POFUT3: variants seen among roughly 807,000 people sequenced by gnomAD.
POFUT3 encodes the protein GDP-fucose protein O-fucosyltransferase 3.
chr8:33,322,701 C>T, the POFUT3 span, among the ~76,000 whole-genome samples: 1 of 152,088 alleles, frequency 6.6e-6, no homozygotes, highest in African/African-American at 2.4e-5. Flanking sequence ...TCAAGGAGCT[C>T]AGAGCTGAGC....
chr8:33,326,110 A>G, the POFUT3 span, among the ~76,000 whole-genome samples: 1 of 152,144 alleles, frequency 6.6e-6, no homozygotes, highest in Non-Finnish European at 1.5e-5. Flanking sequence ...AAATTACCTC[A>G]TCTTTTCCCC....
chr8:33,422,036 A>G, the POFUT3 span, among the ~76,000 whole-genome samples: 1 of 151,964 alleles, frequency 6.6e-6, no homozygotes, highest in Non-Finnish European at 1.5e-5. Context: ...AAACAAAAAC[A>G]AAAACAAAAA....
the POFUT3 span, among the ~76,000 whole-genome samples, chr8:33,438,478 C>T: frequency 6.6e-6 from 1 of 152,090 alleles, no homozygotes; most frequent in Non-Finnish European, 1.5e-5. Context: ...ATGGACCACT[C>T]AGGAGGCTGA....
At chr8:33,386,519 GCTATTTA>G in the POFUT3 span, among the ~76,000 whole-genome samples, 1 of 152,130 alleles carries the variant, frequency 6.6e-6, no homozygotes, top group East Asian at 1.9e-4. Flanking sequence ...CTTTTCTAAA[GCTATTTA>G]CCCGCTGGGC....
chr8:33,319,973 G>C, the POFUT3 span, among the ~76,000 whole-genome samples: 2 of 150,528 alleles, frequency 1.3e-5, no homozygotes, highest in Non-Finnish European at 1.5e-5. Flanking sequence ...GAGTTACTAA[G>C]GATGTACTAT....
At chr8:33,386,823 A>G in the POFUT3 span, among the ~76,000 whole-genome samples, 1 of 152,092 alleles carries the variant, frequency 6.6e-6, no homozygotes, top group African/African-American at 2.4e-5. Context: ...AAAGAAAGCT[A>G]TTTACCAACG....
At chr8:33,377,429 C>T in the POFUT3 span, 1 of 152,170 alleles carries the variant, frequency 6.6e-6, no homozygotes, top group Non-Finnish European at 1.5e-5. Flanking sequence ...CACCAGTCAG[C>T]TGGTAATTGT....
chr8:33,388,937 TCTATGC>T, the POFUT3 span: 2 of 1,586,512 alleles, frequency 1.3e-6, no homozygotes, highest in African/African-American at 2.7e-5. Flanking sequence ...GCCTGCTGGC[TCTATGC>T]CCACCTTTGA....
At chr8:33,332,640 T>C in the POFUT3 span, among the ~76,000 whole-genome samples, 1 of 152,214 alleles carries the variant, frequency 6.6e-6, no homozygotes, top group Non-Finnish European at 1.5e-5. Context: ...ATTTGTTCTC[T>C]AAGCAACAAT....
At chr8:33,425,002 A>T in the POFUT3 span, among the ~76,000 whole-genome samples, 28 of 152,282 alleles carry the variant, frequency 1.8e-4, no homozygotes, top group African/African-American at 6.3e-4. Context: ...GGCATTAAAT[A>T]ATCTTATTAG....
chr8:33,402,603 C>T, the POFUT3 span, among the ~76,000 whole-genome samples: 1 of 152,106 alleles, frequency 6.6e-6, no homozygotes, highest in Non-Finnish European at 1.5e-5. Flanking sequence ...TTTTGGTCCA[C>T]ATTAAGAATC....
the POFUT3 span, among the ~76,000 whole-genome samples, chr8:33,423,490 G>C: frequency 6.6e-6 from 1 of 151,964 alleles, no homozygotes; most frequent in African/African-American, 2.4e-5. Context: ...GGCTAGTCTT[G>C]AACTCCTGGG....
At chr8:33,335,398 A>G in the POFUT3 span, among the ~76,000 whole-genome samples, 4 of 152,240 alleles carry the variant, frequency 2.6e-5, no homozygotes, top group Admixed American at 2.0e-4. Flanking sequence ...GAATTTGGCA[A>G]TGAAGCCACT....
the POFUT3 span, among the ~76,000 whole-genome samples, chr8:33,388,344 T>TG: frequency 6.9e-6 from 1 of 145,038 alleles, no homozygotes; most frequent in Non-Finnish European, 1.5e-5. Context: ...TTTTTTTTTT[T>TG]TTTTTTTTTT....
chr8:33,425,343 T>TA, the POFUT3 span, among the ~76,000 whole-genome samples: 1 of 151,894 alleles, frequency 6.6e-6, no homozygotes, highest in Non-Finnish European at 1.5e-5. Flanking sequence ...CTTAAAAAAA[T>TA]AAAAATTAAA....
chr8:33,415,326 A>G, the POFUT3 span, among the ~76,000 whole-genome samples: 1 of 152,162 alleles, frequency 6.6e-6, no homozygotes, highest in Non-Finnish European at 1.5e-5. Context: ...AAAAGTCTGA[A>G]TCAGATGAGG....
chr8:33,429,705 A>C, the POFUT3 span, among the ~76,000 whole-genome samples: 2 of 151,972 alleles, frequency 1.3e-5, no homozygotes. Context: ...TAAAATGAAA[A>C]AAAAAATGGG....
the POFUT3 span, among the ~76,000 whole-genome samples, chr8:33,448,778 A>G: frequency 5.3e-5 from 8 of 152,056 alleles, no homozygotes; most frequent in Non-Finnish European, 8.8e-5. Flanking sequence ...TTCTAAAAAC[A>G]CAAAAATTAG....
chr8:33,423,818 TAAAAAAAAAAAA>T, the POFUT3 span, among the ~76,000 whole-genome samples: 6 of 70,136 alleles, frequency 8.6e-5, no homozygotes, highest in Non-Finnish European at 1.2e-4. Context: ...GCACACCAAG[TAAAAAAAAAAAA>T]AAAAAAAAAA....
Sources: allele counts gnomAD v4.1 joint callset (sites outside exome capture counted in the v4.1 genomes callset), GRCh38; gene constraint gnomAD v4.1.1; transcripts MANE v1.5; gene names NCBI Gene and HGNC (gene_info 2026-07-23, HGNC 2026-07-21).